Variants in SLC41A3 observed in about 807,000 individuals in gnomAD.
SLC41A3 encodes the protein solute carrier family 41 member 3.
In SLC41A3, 44 loss-of-function variants were observed where a neutral mutation model predicts 45.4. The observed-to-expected ratio is 0.97, with a 90% confidence interval of 0.76 to 1.25. SLC41A3 has a LOEUF of 1.25. Among genes scored for constraint, SLC41A3 ranks in the 50% most tolerant of loss-of-function variants. The pLI is 0.00. For missense variants in SLC41A3, 550 were observed against 600.6 expected (o/e 0.92, Z 0.88); for synonymous variants, 256 against 252.4 (o/e 1.01, Z -0.13).
chr3:126,037,834 T>G (rs1378262293), intron 3 of SLC41A3, among the ~76,000 whole-genome samples: 2 of 152,198 alleles, frequency 1.3e-5, no homozygotes, highest in Non-Finnish European at 2.9e-5. Context: ...AAAAAAGCCT[T>G]GAAGGCATTT....
chr3:126,029,171 C>G (rs1941604008), intron 4 of SLC41A3, among the ~76,000 whole-genome samples: 1 of 152,104 alleles, frequency 6.6e-6, no homozygotes, highest in African/African-American at 2.4e-5. Context: ...ATTTGGGGGG[C>G]CAGGGGTGAA....
At chr3:126,067,373 C>T (rs1944403567) in intron 2 of SLC41A3, 1 of 165,356 alleles carries the variant, frequency 6.0e-6, no homozygotes, top group Non-Finnish European at 1.3e-5. Context: ...GAGACACAGC[C>T]TTTAAGAGGT....
chr3:126,083,626 C>T (rs1355689094), intron 1 of SLC41A3, among the ~76,000 whole-genome samples: 1 of 151,940 alleles, frequency 6.6e-6, no homozygotes, highest in Non-Finnish European at 1.5e-5. Context: ...TGCGCGCGGG[C>T]GCTGCAGGAG....
intron 6 of SLC41A3, among the ~76,000 whole-genome samples, chr3:126,018,544 A>G (rs1361101885): frequency 6.6e-6 from 1 of 152,162 alleles, no homozygotes; most frequent in Non-Finnish European, 1.5e-5. Flanking sequence ...TACCCTCTAA[A>G]TCACAGCTGT....
At position 126,033,652 on chromosome 3, in the gene SLC41A3, G is replaced by T. The variant is rs1464411462; in HGVS notation, c.408C>A (p.Pro136=). The T allele has an allele frequency of 6.2e-7, 1 of 1,613,082 alleles. No homozygotes were observed. The highest frequency in any genetic ancestry group is 8.5e-7 in the Non-Finnish European group (1 of 1,179,858). ...TGCTGATGACTCTGTGCTGCTCCTG[G>T]GGGTCATCAATTTGTCCAGTGTTGG... ...TAANTGQIDD[P]QEQHRVISSN... The change falls in exon 4 of 11, where the codon CCC becomes CCA. Residue 136 remains proline, a synonymous_variant. Transcript: ENST00000360370.
At chr3:126,041,019 A>T (rs1179232244) in intron 3 of SLC41A3, among the ~76,000 whole-genome samples, 1 of 152,242 alleles carries the variant, frequency 6.6e-6, no homozygotes, top group South Asian at 2.1e-4. Flanking sequence ...AAATAAAAAG[A>T]TAATTTTTAA....
intron 2 of SLC41A3, among the ~76,000 whole-genome samples, chr3:126,058,802 T>A (rs1168630023): frequency 6.6e-6 from 1 of 152,204 alleles, no homozygotes; most frequent in Non-Finnish European, 1.5e-5. Context: ...CATGGTCATA[T>A]GCTGCAGCTG....
intron 1 of SLC41A3, among the ~76,000 whole-genome samples, chr3:126,072,265 A>G (rs1220467076): frequency 2.0e-5 from 3 of 152,090 alleles, no homozygotes; most frequent in Non-Finnish European, 4.4e-5. Flanking sequence ...TAATAAATCA[A>G]TTTTCCACCT....
chr3:126,016,957 G>T, intron 6 of SLC41A3, 82 bp from the exon 7 acceptor site: 1 of 1,559,582 alleles, frequency 6.4e-7, no homozygotes, highest in Non-Finnish European at 8.6e-7. Flanking sequence ...ACAAATGAGA[G>T]GTGGGTGAGG....
At chr3:126,021,629 AG>A (rs1004129565) in intron 6 of SLC41A3, among the ~76,000 whole-genome samples, 3 of 152,098 alleles carry the variant, frequency 2.0e-5, no homozygotes, top group Admixed American at 2.0e-4. Flanking sequence ...TCATTATTTC[AG>A]GGGGACAGAT....
At position 126,082,976 on chromosome 3, in the gene SLC41A3, C is replaced by T. The variant is rs144464727; in HGVS notation, c.-28+1117G>A. Among the ~76,000 whole-genome samples the T allele has an allele frequency of 6.3e-3, 963 of 152,340 alleles. 9 individuals are homozygous for T. The highest frequency in any genetic ancestry group is 0.022 in the African/African-American group (915 of 41,568). On this transcript the variant is annotated intron_variant, in intron 1 of 10. Coordinates refer to ENST00000360370, the MANE Select transcript of SLC41A3 (RefSeq NM_017836.4). ...ACCCAAGGTTGGAATCCCAGCTCCT[C>T]CCCTTTCTAGGTCTGTGACCTTGGA...
chr3:126,101,206 C>A (rs980207875), intron 1 of SLC41A3, among the ~76,000 whole-genome samples: 1 of 152,224 alleles, frequency 6.6e-6, no homozygotes, highest in Admixed American at 6.5e-5. Flanking sequence ...AACAGCATGA[C>A]CCCCCTTCAG....
At chr3:126,078,239 C>T (rs1032380708) in intron 1 of SLC41A3, among the ~76,000 whole-genome samples, 7 of 152,220 alleles carry the variant, frequency 4.6e-5, no homozygotes, top group African/African-American at 1.7e-4. Context: ...ATGACCTTCT[C>T]GTCCTCAACC....
chr3:126,018,580 A>G (rs1940540705), intron 6 of SLC41A3, among the ~76,000 whole-genome samples: 2 of 152,222 alleles, frequency 1.3e-5, no homozygotes, highest in Admixed American at 1.3e-4. Flanking sequence ...AGTTGCCAAC[A>G]GGTAAAGATG....
Position 126,006,750 on chromosome 3 carries a change from C to T in SLC41A3, c.*266G>A, listed in dbSNP as rs879554091. 7.0e-5 allele frequency: 101 copies of T among 1,444,648 alleles called. No homozygotes were observed. Among genetic ancestry groups the T allele is most frequent in the African/African-American group, 4.0e-4 (28 of 69,878 alleles). 89.5% of individuals were successfully genotyped at this position (1,444,648 alleles called of 1,614,324 possible). A position where few individuals can be genotyped will look rare whatever the true frequency, so the allele number is the denominator to read the frequency against. ...GCCAGAACACCCTCCTCTCCACAAA[C>T]GTGTGCACACTTGCACGCTCATTAA... is the stretch of plus-strand genomic sequence containing the variant. On this transcript the variant is annotated 3_prime_UTR_variant, in exon 11 of 11. Coordinates refer to ENST00000360370, the MANE Select transcript of SLC41A3 (RefSeq NM_017836.4).
Position 126,006,542 on chromosome 3 carries a change from AG to A in SLC41A3, c.*473del, listed in dbSNP as rs771383617. 6.2e-7 allele frequency: 1 copy of A among 1,608,326 alleles called. No individual in the cohort carries two copies. The highest frequency in any genetic ancestry group is 8.5e-7 in the Non-Finnish European group (1 of 1,178,782). ...CTGTACACCTTCTTGGCACAGCAGCAGTGTGGCCCACGGAGCTTGAACCTGG... is the reference window on the plus strand; with the variant it reads ...CTGTACACCTTCTTGGCACAGCAGCATGTGGCCCACGGAGCTTGAACCTGG... On this transcript the variant is annotated 3_prime_UTR_variant, in exon 11 of 11. Coordinates refer to ENST00000360370, the MANE Select transcript of SLC41A3 (RefSeq NM_017836.4).
At chr3:126,017,892 G>T (rs571172048) in intron 6 of SLC41A3, among the ~76,000 whole-genome samples, 1 of 152,262 alleles carries the variant, frequency 6.6e-6, no homozygotes, top group African/African-American at 2.4e-5. Flanking sequence ...GGAGATATAA[G>T]CCAGGCCCAG....
At chr3:126,073,652 A>C (rs1944736781) in intron 1 of SLC41A3, among the ~76,000 whole-genome samples, 2 of 152,158 alleles carry the variant, frequency 1.3e-5, no homozygotes, top group Admixed American at 1.3e-4. Flanking sequence ...AGAAACACAA[A>C]CTAGTAATAC....
intron 3 of SLC41A3, among the ~76,000 whole-genome samples, chr3:126,046,961 CAAAAAA>C (rs36095026): frequency 1.2e-5 from 1 of 81,232 alleles, no homozygotes. Flanking sequence ...AACTCCATCT[CAAAAAA>C]AAAAAAAAAA....
Sources: gnomAD v4.1 joint callset for allele counts (sites outside exome capture counted in the v4.1 genomes callset) on GRCh38, gnomAD v4.1.1 for gene constraint, MANE v1.5 for transcripts, NCBI Gene and HGNC (gene_info 2026-07-23, HGNC 2026-07-21) for gene names.